WDR25: variants seen among roughly 807,000 people sequenced by gnomAD.
WDR25 encodes the protein WD repeat domain 25.
A neutral mutation model predicts 47.7 loss-of-function variants in WDR25; 35 were observed. That is an observed-to-expected ratio of 0.73 (90% confidence interval 0.56 to 0.97). The LOEUF is 0.97. Ranked by LOEUF, WDR25 falls within the 50% of genes least tolerant of loss-of-function variation. WDR25 has a pLI of 0.00. For missense variants in WDR25, 634 were observed against 704.7 expected (o/e 0.90, Z 1.14); for synonymous variants, 248 against 278.9 (o/e 0.89, Z 1.10).
At chr14:100,410,163 T>C (rs1216178700) in intron 2 of WDR25, among the ~76,000 whole-genome samples, 1 of 152,196 alleles carries the variant, frequency 6.6e-6, no homozygotes. Flanking sequence ...CAGTGGCCAC[T>C]GAGATTAGGA....
intron 4 of WDR25, among the ~76,000 whole-genome samples, chr14:100,495,355 C>T (rs1053307613): frequency 1.3e-5 from 2 of 152,134 alleles, no homozygotes; most frequent in African/African-American, 4.8e-5. Flanking sequence ...GACTCCGTCT[C>T]AAAAACAAAC....
intron 2 of WDR25, among the ~76,000 whole-genome samples, chr14:100,394,079 G>A (rs903000468): frequency 2.0e-5 from 3 of 152,176 alleles, no homozygotes; most frequent in African/African-American, 7.2e-5. Flanking sequence ...TCTTACAAAT[G>A]GAAGGTATTA....
At chr14:100,393,488 G>C (rs762300205) in intron 2 of WDR25, among the ~76,000 whole-genome samples, 2 of 152,168 alleles carry the variant, frequency 1.3e-5, no homozygotes, top group Non-Finnish European at 2.9e-5. Context: ...CTGTTAGCCC[G>C]GGGGCGGAGG....
intron 2 of WDR25, among the ~76,000 whole-genome samples, chr14:100,447,246 T>C (rs1171858560): frequency 1.3e-5 from 2 of 152,312 alleles, no homozygotes; most frequent in African/African-American, 4.8e-5. Flanking sequence ...CATTTGTCCT[T>C]AGGTGACTTT....
chr14:100,460,099 A>C (rs1025251212), intron 2 of WDR25, among the ~76,000 whole-genome samples: 8 of 146,298 alleles, frequency 5.5e-5, no homozygotes, highest in African/African-American at 2.1e-4. Flanking sequence ...TCTCTCATGA[A>C]CATAGATACA....
intron 3 of WDR25, among the ~76,000 whole-genome samples, chr14:100,471,525 G>C (rs1165247867): frequency 2.0e-5 from 3 of 152,222 alleles, no homozygotes; most frequent in Admixed American, 6.5e-5. Context: ...CGCTGAGTCT[G>C]ATCTCCCTTT....
intron 4 of WDR25, among the ~76,000 whole-genome samples, chr14:100,486,209 G>A (rs1900377470): frequency 6.6e-6 from 1 of 152,130 alleles, no homozygotes; most frequent in African/African-American, 2.4e-5. Context: ...CGTCCCTTAT[G>A]GGTGCGCTTA....
Position 100,381,200 on chromosome 14 carries a change from C to A in WDR25, c.276C>A (p.Pro92=). The A allele has an allele frequency of 6.2e-7, 1 of 1,614,174 alleles. No individual in the cohort carries two copies. The highest frequency in any genetic ancestry group is 8.5e-7 in the Non-Finnish European group (1 of 1,180,040). The change falls in exon 2 of 7, where the codon CCC becomes CCA. Residue 92 remains proline, a synonymous_variant. Coordinates refer to ENST00000402312, the MANE Select transcript of WDR25 (RefSeq NM_001161476.3). ...QLGRSDWGSC[P]SQRLQWPGKE... is the part of the protein sequence containing the mutation. ...GGAGAAGCGATTGGGGATCTTGCCC[C>A]AGCCAGAGGCTACAGTGGCCCGGGA...
At chr14:100,487,565 C>T (rs374031060) in intron 4 of WDR25, 2 of 152,322 alleles carry the variant, frequency 1.3e-5, no homozygotes, top group South Asian at 2.1e-4. Flanking sequence ...TGACATCTGT[C>T]ACCCTATTGA....
chr14:100,491,220 G>A (rs1026286292), intron 4 of WDR25, among the ~76,000 whole-genome samples: 2 of 152,186 alleles, frequency 1.3e-5, no homozygotes, highest in Non-Finnish European at 2.9e-5. Context: ...CCCTTCCTCT[G>A]TCAGGGCCCT....
At position 100,381,649 on chromosome 14, in the gene WDR25, T is replaced by C; in HGVS notation, c.725T>C (p.Leu242Pro). 6.8e-6 allele frequency: 11 copies of C among 1,614,126 alleles called. No individual in the cohort carries two copies. The highest frequency in any genetic ancestry group is 9.3e-6 in the Non-Finnish European group (11 of 1,180,008). The change falls in exon 2 of 7, where the codon CTG becomes CCG. Residue 242 changes from leucine to proline, a missense_variant. Physicochemically the swap from Leu to Pro is moderately conservative, Grantham distance 98 (BLOSUM62 -3). Transcript: ENST00000402312. ...TTVPRKVLFH[L>P]RGHRGPVNTI... ...GTTCCCCGGAAAGTGCTTTTCCACC[T>C]GAGAGGCCACAGGGGCCCTGTCAAC...
At chr14:100,426,025 A>G (rs999345763) in intron 2 of WDR25, among the ~76,000 whole-genome samples, 1 of 152,236 alleles carries the variant, frequency 6.6e-6, no homozygotes, top group Non-Finnish European at 1.5e-5. Context: ...CATCGTGAAT[A>G]TGCATTCCAC....
At chr14:100,376,690 C>A in intron 1 of WDR25, 195 bp downstream of exon 1, 1 of 1,231,334 alleles carries the variant, frequency 8.1e-7, no homozygotes, top group African/African-American at 1.5e-5. Flanking sequence ...ATTCATCCTT[C>A]AAAACCCATC....
chr14:100,458,530 A>G (rs1402048455), intron 2 of WDR25, among the ~76,000 whole-genome samples: 1 of 152,206 alleles, frequency 6.6e-6, no homozygotes, highest in Non-Finnish European at 1.5e-5. Context: ...TAAGATTTAT[A>G]AGACTGGAAC....
intron 4 of WDR25, among the ~76,000 whole-genome samples, chr14:100,507,853 T>C (rs1268332688): frequency 2.0e-5 from 3 of 152,166 alleles, no homozygotes; most frequent in Non-Finnish European, 2.9e-5. Context: ...AAATATTGAA[T>C]AATATCATCT....
chr14:100,525,993 G>A lies in WDR25; in HGVS notation c.1225G>A (p.Ala409Thr). The change falls in exon 5 of 7, where the codon GCC becomes ACC. Residue 409 changes from alanine to threonine, a missense_variant. Coordinates refer to ENST00000402312, the MANE Select transcript of WDR25 (RefSeq NM_001161476.3). This position sits in a 1 kb window ranked among gnomAD's most constrained non-coding sequence, Gnocchi z 4.6. ...GGACTCAGCTGACCGCACCATTATT[G>A]CCTGGGATTTCCGGACCTCTGCCAA... Reference protein sequence around the residue: ...TRDSADRTIIAWDFRTSAKIS... With the variant: ...TRDSADRTIITWDFRTSAKIS... The A allele has an allele frequency of 6.2e-7, 1 of 1,614,020 alleles. No homozygotes were observed. The highest frequency in any genetic ancestry group is 8.5e-7 in the Non-Finnish European group (1 of 1,179,968).
At chr14:100,421,156 A>G (rs1042746528) in intron 2 of WDR25, among the ~76,000 whole-genome samples, 2 of 152,222 alleles carry the variant, frequency 1.3e-5, no homozygotes, top group African/African-American at 4.8e-5. Flanking sequence ...GAGGAAGAGT[A>G]GGCATCAGGA....
intron 2 of WDR25, among the ~76,000 whole-genome samples, chr14:100,402,102 T>C (rs552528224): frequency 2.5e-4 from 38 of 152,340 alleles, no homozygotes; most frequent in African/African-American, 8.7e-4. Context: ...ATTGCACAAA[T>C]GCTCCTGGAA....
At chr14:100,432,598 A>G (rs1898371974) in intron 2 of WDR25, among the ~76,000 whole-genome samples, 1 of 152,246 alleles carries the variant, frequency 6.6e-6, no homozygotes, top group South Asian at 2.1e-4. Flanking sequence ...AACCCATTCC[A>G]CATATATAAG....
Sources: allele counts gnomAD v4.1 joint callset (sites outside exome capture counted in the v4.1 genomes callset), GRCh38; gene constraint gnomAD v4.1.1; non-coding constraint Gnocchi (gnomAD v3.1); transcripts MANE v1.5; gene names NCBI Gene and HGNC (gene_info 2026-07-23, HGNC 2026-07-21).